Variants in HUWE1 observed in about 807,000 individuals in gnomAD.
HUWE1 encodes the protein HECT, UBA and WWE domain containing E3 ubiquitin protein ligase 1.
A neutral mutation model predicts 299.4 loss-of-function variants in HUWE1; 18 were observed. The observed-to-expected ratio is 0.06, with a 90% CI of 0.04 to 0.09. HUWE1 has a LOEUF of 0.09. Ranked by LOEUF, HUWE1 falls within the 10% of genes least tolerant of loss-of-function variation. The pLI, the probability that HUWE1 is intolerant of heterozygous loss-of-function variation, is 1.00. For missense variants in HUWE1, 1,832 were observed against 3,462.3 expected, an observed-to-expected ratio of 0.53 and a Z score of 11.82; for synonymous variants, 1,317 against 1,286.1, an observed-to-expected ratio of 1.02 and a Z score of -0.51.
chrX:53,539,207 G>T, intron 75 of HUWE1, 127 bp from the exon 76 acceptor site: 1 of 765,809 alleles, frequency 1.3e-6, no homozygotes, highest in Non-Finnish European at 1.9e-6. Flanking sequence ...TAGGCTAGGT[G>T]TGGTGGCTCA....
Position 53,533,275 on chromosome X carries a change from TA to T in HUWE1, c.*33del, listed in dbSNP as rs781948869. The stretch of plus-strand genomic sequence containing the variant: ...CCCCCCTCCCCAGGTCCAACAATGG[TA>T]AAAAAAACCCCACGGAGTTGGGCAG... On this transcript the variant is annotated 3_prime_UTR_variant, in exon 84 of 84. Transcript: ENST00000262854. 4.4e-5 allele frequency: 43 copies of T among 969,961 alleles called. No individual in the cohort carries two copies. The highest frequency in any genetic ancestry group is 2.6e-4 in the Middle Eastern group (1 of 3,896). 79.9% of individuals were successfully genotyped at this position (969,961 alleles called of 1,213,427 possible).
At position 53,542,516 on chromosome X, in the gene HUWE1, C is replaced by T. The variant is rs373456806; in HGVS notation, c.11403G>A (p.Ala3801=). 402 of 1,195,504 alleles carry T rather than the reference C, an allele frequency of 3.4e-4. 1 individual carries two copies. The highest frequency in any genetic ancestry group is 7.0e-4 in the Middle Eastern group (3 of 4,297). Residue 3801 remains alanine (A), a synonymous_variant, in exon 74 of 84, where the codon GCG becomes GCA. Coordinates refer to ENST00000262854, the MANE Select transcript of HUWE1 (RefSeq NM_031407.7). The part of the protein sequence containing the change: ...AATSESSQSE[A]SVRREESPMD... ...TGGGTGATTCCTCCCTCCGGACAGA[C>T]GCCTCTGACTGGCTAGACTCCGACT...
In HUWE1 at chrX:53,625,276, CAAAA is replaced by C. The variant is rs782037467; in HGVS notation, c.1490-22_1490-19del. ...CTGGACTCCTGGCAATGAAGAAAGACAAAAGAATTATGCTGAGTTCGCCATTAAA... is the reference window on the plus strand; with the variant it reads ...CTGGACTCCTGGCAATGAAGAAAGACGAATTATGCTGAGTTCGCCATTAAA... On this transcript the variant is annotated intron_variant, in intron 17 of 83. Coordinates refer to ENST00000262854, the MANE Select transcript of HUWE1 (RefSeq NM_031407.7). The C allele has an allele frequency of 9.2e-7, 1 of 1,088,768 alleles. No homozygotes were observed. Among genetic ancestry groups the C allele is most frequent in the South Asian group, 1.8e-5 (1 of 54,283 alleles). The allele number at this position is 1,088,768 out of a possible 1,213,427, so 89.7% of individuals were successfully genotyped here. A position where few individuals can be genotyped will look rare whatever the true frequency, so the allele number is the denominator to read the frequency against.
In HUWE1 at chrX:53,535,159, T is replaced by C. The variant is rs1233682666; in HGVS notation, c.12649+225A>G. Among the ~76,000 whole-genome samples, 12 of 110,879 alleles carry C rather than the reference T, an allele frequency of 1.1e-4. No homozygotes were observed. In the East Asian group the frequency reaches 3.1e-3, roughly 29 times the overall value. On this transcript the variant is annotated intron_variant, in intron 81 of 83. Transcript: ENST00000262854. ...CATGTTGGCCAGGCTGGTCTCAAACTCCTCACCTCAACTGATCCGCCCACC... is the reference window on the plus strand; with the variant it reads ...CATGTTGGCCAGGCTGGTCTCAAACCCCTCACCTCAACTGATCCGCCCACC...
intron 68 of HUWE1, 95 bp from the exon 69 acceptor site, chrX:53,546,920 C>T (rs1032589746): frequency 2.8e-6 from 3 of 1,057,650 alleles, no homozygotes; most frequent in Admixed American, 5.2e-5. Flanking sequence ...TTGCCCAGGG[C>T]TTCAAAATGG....
intron 27 of HUWE1, 23 bp downstream of exon 27, chrX:53,603,345 A>G (rs782487101): frequency 6.9e-5 from 83 of 1,201,256 alleles, no homozygotes; most frequent in South Asian, 2.5e-4. Flanking sequence ...ACAAAGTAAT[A>G]AGAGAGAGAG....
intron 29 of HUWE1, among the ~76,000 whole-genome samples, chrX:53,599,381 C>T (rs1342851969): frequency 3.6e-5 from 4 of 111,857 alleles, no homozygotes; most frequent in Admixed American, 9.5e-5. Flanking sequence ...TTTGCTTTTA[C>T]GAAGGGCCCC....
At chrX:53,676,090 C>T (rs2069806503) in intron 3 of HUWE1, among the ~76,000 whole-genome samples, 2 of 111,490 alleles carry the variant, frequency 1.8e-5, no homozygotes, top group Admixed American at 1.9e-4. Flanking sequence ...CACTGATGAT[C>T]CCACACAGAC....
At chrX:53,648,736 G>A (rs2068260310) in intron 4 of HUWE1, among the ~76,000 whole-genome samples, 1 of 109,678 alleles carries the variant, frequency 9.1e-6, no homozygotes, top group South Asian at 3.9e-4. Context: ...TTGAATCAGA[G>A]ACTGAAAAGT....
chrX:53,669,984 A>G (rs1212330161), intron 3 of HUWE1, among the ~76,000 whole-genome samples: 3 of 112,459 alleles, frequency 2.7e-5, no homozygotes, highest in African/African-American at 9.7e-5. Context: ...GGAAGGGAAA[A>G]TAAGATGGAC....
At chrX:53,592,048 A>C (rs1168129803) in intron 33 of HUWE1, among the ~76,000 whole-genome samples, 1 of 112,072 alleles carries the variant, frequency 8.9e-6, no homozygotes, top group African/African-American at 3.2e-5. Flanking sequence ...TAGGTGACTA[A>C]GGTTTCAGAA....
At chrX:53,580,736 G>T in intron 43 of HUWE1, 95 bp downstream of exon 43, 1 of 848,413 alleles carries the variant, frequency 1.2e-6, no homozygotes, top group Non-Finnish European at 1.7e-6. Flanking sequence ...TGCCTAAGGA[G>T]GCTCTTCAAG....
At chrX:53,628,399 T>C in intron 15 of HUWE1, 94 bp downstream of exon 15, 1 of 900,995 alleles carries the variant, frequency 1.1e-6, no homozygotes, top group South Asian at 2.4e-5. Flanking sequence ...TTATATTATT[T>C]GCCCTCACTG....
intron 46 of HUWE1, among the ~76,000 whole-genome samples, chrX:53,574,936 G>A (rs1206551360): frequency 8.9e-6 from 1 of 112,434 alleles, no homozygotes; most frequent in African/African-American, 3.2e-5. Context: ...TGTTACCACA[G>A]CAACCATTAC....
chrX:53,667,704 A>T (rs1557048096), intron 3 of HUWE1, among the ~76,000 whole-genome samples: 1 of 112,212 alleles, frequency 8.9e-6, no homozygotes, highest in Non-Finnish European at 1.9e-5. Flanking sequence ...ATAGCAATTT[A>T]GACATCTTAA....
chrX:53,618,658 G>A (rs1557009741), intron 19 of HUWE1, among the ~76,000 whole-genome samples: 1 of 107,429 alleles, frequency 9.3e-6, no homozygotes, highest in African/African-American at 3.4e-5. Context: ...TCCACCTCCT[G>A]GGTTCAAGCA....
At chrX:53,667,550 G>A (rs1248326399) in intron 3 of HUWE1, among the ~76,000 whole-genome samples, 1 of 111,994 alleles carries the variant, frequency 8.9e-6, no homozygotes, top group Admixed American at 9.5e-5. Flanking sequence ...ACTGAAAGTG[G>A]AAAACAAAAT....
chrX:53,624,908 G>A (rs2066385450), intron 18 of HUWE1, among the ~76,000 whole-genome samples: 1 of 111,907 alleles, frequency 8.9e-6, no homozygotes, highest in Non-Finnish European at 1.9e-5. Context: ...TCAGAAAGGG[G>A]TAATAAGACG....
chrX:53,546,608 CAGA>C lies in HUWE1; in HGVS notation c.10759-19_10759-17del, dbSNP rs2061550261. ...ATGTCAACACCTGAGAAAAAGAAGA[CAGA>C]AGGAGTAAGCCCCAGCCTGAGAACA... On this transcript the variant is annotated splice_polypyrimidine_tract_variant and intron_variant, in intron 69 of 83. Transcript: ENST00000262854. 1 of 1,209,764 alleles carries C rather than the reference CAGA, an allele frequency of 8.3e-7. No individual in the cohort carries two copies. The highest frequency in any genetic ancestry group is 1.1e-6 in the Non-Finnish European group (1 of 894,319).
Sources: gnomAD v4.1 joint callset for allele counts (sites outside exome capture counted in the v4.1 genomes callset) on GRCh38, gnomAD v4.1.1 for gene constraint, MANE v1.5 for transcripts, NCBI Gene and HGNC (gene_info 2026-07-23, HGNC 2026-07-21) for gene names.